TMEM131L: variants seen among roughly 807,000 people sequenced by gnomAD.
The protein encoded by TMEM131L is transmembrane protein 131-like.
TMEM131L carries 54 observed loss-of-function variants against 192.2 expected under a neutral mutation model. The observed-to-expected ratio is 0.28, with a 90% CI of 0.23 to 0.35. The LOEUF is 0.35. Ranked by LOEUF, TMEM131L falls within the 10% of genes least tolerant of loss-of-function variation. The pLI is 1.00. For missense variants in TMEM131L, 1,888 were observed against 1,972.9 expected (o/e 0.96, Z 0.82); for synonymous variants, 701 against 704.9 (o/e 0.99, Z 0.09).
chr4:153,482,752 C>T (rs777998127), intron 3 of TMEM131L, among the ~76,000 whole-genome samples: 45 of 152,164 alleles, frequency 3.0e-4, no homozygotes, highest in Non-Finnish European at 5.0e-4. Context: ...TCACCATGCC[C>T]GGCTAATATT....
intron 3 of TMEM131L, among the ~76,000 whole-genome samples, chr4:153,511,839 A>G (rs991885937): frequency 6.6e-6 from 1 of 152,216 alleles, no homozygotes; most frequent in Non-Finnish European, 1.5e-5. Context: ...CTCGTTTCCA[A>G]TAAAATGTTA....
intron 3 of TMEM131L, among the ~76,000 whole-genome samples, chr4:153,521,363 T>A (rs1218730207): frequency 6.6e-6 from 1 of 152,180 alleles, no homozygotes; most frequent in Non-Finnish European, 1.5e-5. Context: ...CCTCTTGATG[T>A]TCTAGCTAGG....
chr4:153,622,156 TAG>T (rs1733471123), intron 28 of TMEM131L, among the ~76,000 whole-genome samples: 1 of 151,200 alleles, frequency 6.6e-6, no homozygotes, highest in Non-Finnish European at 1.5e-5. Context: ...AAGGGGGGAG[TAG>T]CCAAGTGAGA....
At chr4:153,592,656 C>G in intron 18 of TMEM131L, 72 bp downstream of exon 18, 1 of 1,037,416 alleles carries the variant, frequency 9.6e-7, no homozygotes, top group Middle Eastern at 2.0e-4. Context: ...TAATGTCCTA[C>G]ACTTTTTCAA....
chr4:153,609,983 C>T (rs550335213), intron 25 of TMEM131L, among the ~76,000 whole-genome samples: 2 of 152,084 alleles, frequency 1.3e-5, no homozygotes, highest in Non-Finnish European at 2.9e-5. Flanking sequence ...GATATCTAAC[C>T]GCCAGTTTGT....
At chr4:153,636,145 A>G (rs1474903825) in intron 34 of TMEM131L, among the ~76,000 whole-genome samples, 156 bp from the exon 35 acceptor site, 2 of 152,180 alleles carry the variant, frequency 1.3e-5, no homozygotes, top group Non-Finnish European at 1.5e-5. Flanking sequence ...TCCCTTTGAG[A>G]AAAAATGGAG....
intron 16 of TMEM131L, among the ~76,000 whole-genome samples, chr4:153,589,681 A>AT (rs1327771544): frequency 1.3e-5 from 2 of 152,216 alleles, no homozygotes; most frequent in African/African-American, 4.8e-5. Flanking sequence ...TTTTATTGAC[A>AT]TTACAGTCCG....
intron 7 of TMEM131L, among the ~76,000 whole-genome samples, chr4:153,566,899 C>T (rs769456236): frequency 1.3e-5 from 2 of 152,226 alleles, no homozygotes; most frequent in South Asian, 2.1e-4. Context: ...AAAACTGGCA[C>T]AGCCCTTGCT....
chr4:153,467,129 G>C, intron 1 of TMEM131L, 82 bp from the exon 2 acceptor site: 17 of 1,325,270 alleles, frequency 1.3e-5, no homozygotes, highest in Non-Finnish European at 1.8e-5. Context: ...GAGGCGGGGG[G>C]CACGGAGGGA....
chr4:153,480,200 G>C (rs989394462), intron 3 of TMEM131L, among the ~76,000 whole-genome samples: 4 of 152,212 alleles, frequency 2.6e-5, no homozygotes, highest in Middle Eastern at 3.2e-3. Flanking sequence ...TTAGCTGGGC[G>C]TGGTGGCGGA....
intron 3 of TMEM131L, among the ~76,000 whole-genome samples, chr4:153,500,633 A>G (rs970572713): frequency 6.6e-6 from 1 of 152,208 alleles, no homozygotes; most frequent in Non-Finnish European, 1.5e-5. Flanking sequence ...TGGGTCCGTC[A>G]TCTTCTTTTT....
intron 3 of TMEM131L, among the ~76,000 whole-genome samples, chr4:153,545,777 A>C (rs1290852658): frequency 1.3e-5 from 2 of 152,226 alleles, no homozygotes; most frequent in Non-Finnish European, 2.9e-5. Flanking sequence ...AGCTCTTTGC[A>C]GAAGGTCTTC....
chr4:153,467,046 C>T (rs1025801146), intron 1 of TMEM131L, among the ~76,000 whole-genome samples, 165 bp from the exon 2 acceptor site: 3 of 152,220 alleles, frequency 2.0e-5, no homozygotes, highest in Admixed American at 6.5e-5. Flanking sequence ...ACACCCCACC[C>T]ATTGTATTTT....
At position 153,544,802 on chromosome 4, in the gene TMEM131L, A is replaced by G. The variant is rs570075974; in HGVS notation, c.240-5271A>G. On this transcript the variant is annotated intron_variant, in intron 3 of 34. Coordinates refer to ENST00000409959, the MANE Select transcript of TMEM131L (RefSeq NM_001131007.2). ...ATCTCTGGGTTTTGATCGTGGGCAT[A>G]TGAGGCAGTCCAGCCTCCTGGGTGG... is the stretch of plus-strand genomic sequence containing the variant. Among the ~76,000 whole-genome samples the G allele has an allele frequency of 3.9e-3, 597 of 152,232 alleles. 3 individuals are homozygous for G. The highest frequency in any genetic ancestry group is 6.5e-3 in the Non-Finnish European group (444 of 68,014).
intron 3 of TMEM131L, among the ~76,000 whole-genome samples, chr4:153,474,125 C>A (rs1322549632): frequency 6.6e-6 from 1 of 152,230 alleles, no homozygotes; most frequent in East Asian, 1.9e-4. Context: ...ACCAATTTCA[C>A]TTTTTCCATG....
intron 7 of TMEM131L, among the ~76,000 whole-genome samples, chr4:153,564,662 C>T (rs2150549257): frequency 6.6e-6 from 1 of 152,270 alleles, no homozygotes; most frequent in South Asian, 2.1e-4. Context: ...CTGAGGCTCT[C>T]CTCCTTTTGT....
chr4:153,515,455 TATAG>T (rs1451815141), intron 3 of TMEM131L, among the ~76,000 whole-genome samples: 1 of 152,266 alleles, frequency 6.6e-6, no homozygotes, highest in Admixed American at 6.5e-5. Context: ...TATTCCATTG[TATAG>T]ATAGATCACA....
At chr4:153,629,037 G>A (rs183652784) in intron 31 of TMEM131L, among the ~76,000 whole-genome samples, 17 of 152,092 alleles carry the variant, frequency 1.1e-4, no homozygotes, top group African/African-American at 3.9e-4. Flanking sequence ...TCATTTCCTC[G>A]ACTCCTCTCC....
At chr4:153,470,687 G>A (rs370342341) in intron 2 of TMEM131L, among the ~76,000 whole-genome samples, 3 of 152,200 alleles carry the variant, frequency 2.0e-5, no homozygotes, top group African/African-American at 7.2e-5. Context: ...GCAGGATACG[G>A]CTTTGTGTAC....
Sources: allele counts gnomAD v4.1 joint callset (sites outside exome capture counted in the v4.1 genomes callset), GRCh38; gene constraint gnomAD v4.1.1; transcripts MANE v1.5; gene names NCBI Gene and HGNC (gene_info 2026-07-23, HGNC 2026-07-21).